PCDHGB7: variants seen among roughly 807,000 people sequenced by gnomAD.
PCDHGB7 encodes the protein protocadherin gamma subfamily B, 7.
Under a neutral mutation model 61.4 loss-of-function variants are expected in PCDHGB7, and 37 were observed. The ratio of observed to expected loss-of-function variants is 0.60; its 90% confidence interval spans 0.46 to 0.79. The LOEUF is 0.79. PCDHGB7 is among the 30% of genes least tolerant of loss of function. PCDHGB7 has a pLI of 0.00. For missense variants in PCDHGB7, 1,166 were observed against 1,202.5 expected (o/e 0.97, Z 0.45); for synonymous variants, 464 against 503.5 (o/e 0.92, Z 1.05).
At chr5:141,422,886 G>A in intron 1 of PCDHGB7, 1 of 1,614,260 alleles carries the variant, frequency 6.2e-7, no homozygotes, top group Non-Finnish European at 8.5e-7. Flanking sequence ...GCCTGTTCGT[G>A]CTGGACCAGA....
At chr5:141,449,282 G>A (rs1285842278) in intron 1 of PCDHGB7, among the ~76,000 whole-genome samples, 17 of 152,002 alleles carry the variant, frequency 1.1e-4, no homozygotes, top group Admixed American at 4.6e-4. Context: ...CCTTCACCCG[G>A]ATGCACCGGG....
At chr5:141,450,932 C>G (rs868373954) in intron 1 of PCDHGB7, among the ~76,000 whole-genome samples, 1 of 151,134 alleles carries the variant, frequency 6.6e-6, no homozygotes, top group Admixed American at 6.6e-5. Context: ...TCAAGCAATT[C>G]TCCTACCTCA....
At chr5:141,428,333 T>A in intron 1 of PCDHGB7, 1 of 618,518 alleles carries the variant, frequency 1.6e-6, no homozygotes, top group Non-Finnish European at 2.9e-6. Context: ...ATTTCTATGC[T>A]CTTCTTCCTC....
intron 1 of PCDHGB7, among the ~76,000 whole-genome samples, chr5:141,459,619 A>G (rs995987344): frequency 6.6e-6 from 1 of 152,238 alleles, no homozygotes; most frequent in Non-Finnish European, 1.5e-5. Context: ...TTAACTTTAT[A>G]AGAAGCTGCC....
At chr5:141,426,174 G>A (rs1213063298) in intron 1 of PCDHGB7, 1 of 155,354 alleles carries the variant, frequency 6.4e-6, no homozygotes, top group Non-Finnish European at 1.4e-5. Flanking sequence ...ACGGATTGGG[G>A]TGCCCTCAAA....
intron 1 of PCDHGB7, chr5:141,423,653 G>A: frequency 6.3e-7 from 1 of 1,578,174 alleles, no homozygotes. Context: ...GACCCGACAA[G>A]TAATCAGGTG....
rs749044339 is a variant in PCDHGB7, at chr5:141,477,410, G to A, written c.2416-17397G>A. On this transcript the variant is annotated intron_variant, in intron 1 of 3. Coordinates refer to ENST00000398594, the MANE Select transcript of PCDHGB7 (RefSeq NM_018927.4). This position sits in a 1 kb window ranked among gnomAD's most constrained non-coding sequence, Gnocchi z 4.9. ...CAACCTCAGCATCACCGCCCGAGAC[G>A]CCGGAACCCCTTCCCTCTCAGCCCT... 66 of 1,613,988 alleles carry A rather than the reference G, an allele frequency of 4.1e-5. 1 individual carries two copies. The South Asian group carries it at 7.0e-4, about 17-fold the overall frequency.
chr5:141,478,109 T>C, intron 1 of PCDHGB7: 1 of 1,614,086 alleles, frequency 6.2e-7, no homozygotes, highest in Non-Finnish European at 8.5e-7. Context: ...CCTCACTGTG[T>C]CAGTAACCGA....
Position 141,454,796 on chromosome 5 carries a change from A to ATTTTTTTTTTTTT in PCDHGB7, c.2415+34539_2415+34551dup, listed in dbSNP as rs61612330. On this transcript the variant is annotated intron_variant, in intron 1 of 3. Coordinates refer to ENST00000398594, the MANE Select transcript of PCDHGB7 (RefSeq NM_018927.4). ...AAGGAAATAATCCTCCATGGTTCTAATTTTTTTTTTTTTTTTTTTTTTTTT... is the reference window on the plus strand; with the variant it reads ...AAGGAAATAATCCTCCATGGTTCTAATTTTTTTTTTTTTTTTTTTTTTTTTTTTTTTTTTTTTT... Among the ~76,000 whole-genome samples the ATTTTTTTTTTTTT allele has an allele frequency of 1.7e-3, 135 of 77,462 alleles. 8 individuals carry two copies. The highest frequency in any genetic ancestry group is 2.5e-3 in the Admixed American group (14 of 5,554). The allele number at this position is 77,462 out of a possible 152,430, so 50.8% of individuals were successfully genotyped here.
chr5:141,441,327 C>T (rs973149197), intron 1 of PCDHGB7: 2 of 152,196 alleles, frequency 1.3e-5, no homozygotes, highest in Admixed American at 6.5e-5. Flanking sequence ...AAAAATCTTC[C>T]TCCAATAATT....
intron 1 of PCDHGB7, chr5:141,433,247 G>A (rs1393219042): frequency 2.8e-6 from 4 of 1,447,840 alleles, no homozygotes; most frequent in Non-Finnish European, 3.8e-6. Context: ...AAGCTGGAAT[G>A]CAGCGGTACG....
chr5:141,490,288 G>A lies in PCDHGB7; in HGVS notation c.2416-4519G>A. On this transcript the variant is annotated intron_variant, in intron 1 of 3. Coordinates refer to ENST00000398594, the MANE Select transcript of PCDHGB7 (RefSeq NM_018927.4). The surrounding 1 kb of genome is among the most constrained non-coding windows in gnomAD (Gnocchi z 5.4). ...GGATGTCAATGACAATGCCCCAGAG[G>A]TGCTATTGGCCTCTTTGGCCAACCC... The A allele has an allele frequency of 3.7e-6, 6 of 1,614,198 alleles. No individual in the cohort carries two copies. The highest frequency in any genetic ancestry group is 5.1e-6 in the Non-Finnish European group (6 of 1,180,042).
At position 141,512,091 on chromosome 5, in the gene PCDHGB7, A is replaced by C. The variant is rs1329025049; in HGVS notation, c.*918A>C. On this transcript the variant is annotated 3_prime_UTR_variant, in exon 4 of 4. Transcript: ENST00000398594. The stretch of plus-strand genomic sequence containing the variant: ...TCCAGATTCCAGCCATAAACCAATA[A>C]CTAGGCTGGACCCTTCCCACTACAT... 1 of 152,656 alleles carries C rather than the reference A, an allele frequency of 6.6e-6. No homozygotes were observed. The highest frequency in any genetic ancestry group is 2.4e-5 in the African/African-American group (1 of 41,456). 9.5% of individuals were successfully genotyped at this position (152,656 alleles called of 1,614,324 possible). A position where few individuals can be genotyped will look rare whatever the true frequency, so the allele number is the denominator to read the frequency against.
intron 1 of PCDHGB7, among the ~76,000 whole-genome samples, chr5:141,479,977 A>G (rs145953890): frequency 0.015 from 2,300 of 152,320 alleles, 30 homozygotes; most frequent in Non-Finnish European, 0.024. Context: ...AGGTTCTACC[A>G]TTTACCAACT....
At chr5:141,451,113 C>T (rs2098707217) in intron 1 of PCDHGB7, among the ~76,000 whole-genome samples, 1 of 152,152 alleles carries the variant, frequency 6.6e-6, no homozygotes. Context: ...CAGGCGTGAG[C>T]CACCACACCC....
At chr5:141,457,881 G>T (rs2098931594) in intron 1 of PCDHGB7, among the ~76,000 whole-genome samples, 2 of 152,230 alleles carry the variant, frequency 1.3e-5, no homozygotes, top group African/African-American at 4.8e-5. Context: ...TAGGAACCCT[G>T]TGTGGGGACT....
rs894528472 is a variant in PCDHGB7 at position 141,489,718 on chromosome 5, C to A, written c.2416-5089C>A. 6.2e-7 allele frequency: 1 copy of A among 1,614,038 alleles called. No individual in the cohort carries two copies. Among genetic ancestry groups the A allele is most frequent in the African/African-American group, 1.3e-5 (1 of 74,934 alleles). ...ATTCCCACTGGACAGTGCCCAGGATCCGGATGTGGGCACCAATACTGTGAG... is the reference window on the plus strand; with the variant it reads ...ATTCCCACTGGACAGTGCCCAGGATACGGATGTGGGCACCAATACTGTGAG... On this transcript the variant is annotated intron_variant, in intron 1 of 3. Coordinates refer to ENST00000398594, the MANE Select transcript of PCDHGB7 (RefSeq NM_018927.4). This position sits in a 1 kb window ranked among gnomAD's most constrained non-coding sequence, Gnocchi z 4.5.
At chr5:141,500,450 C>A (rs2099800340) in intron 2 of PCDHGB7, among the ~76,000 whole-genome samples, 1 of 152,072 alleles carries the variant, frequency 6.6e-6, no homozygotes, top group Non-Finnish European at 1.5e-5. Flanking sequence ...ACCTCGTGAT[C>A]CGCCCGCCTC....
intron 1 of PCDHGB7, chr5:141,479,313 G>C (rs926148640): frequency 2.0e-5 from 3 of 152,456 alleles, no homozygotes; most frequent in Non-Finnish European, 2.9e-5. Context: ...AAAACATAAA[G>C]TAGCCAGACT....
Sources: allele counts gnomAD v4.1 joint callset (sites outside exome capture counted in the v4.1 genomes callset), GRCh38; gene constraint gnomAD v4.1.1; non-coding constraint Gnocchi (gnomAD v3.1); transcripts MANE v1.5; gene names NCBI Gene and HGNC (gene_info 2026-07-23, HGNC 2026-07-21).